GTF2I: variants seen among roughly 807,000 people sequenced by gnomAD.
GTF2I encodes general transcription factor IIi, also known as general transcription factor II-I.
In GTF2I, 12 loss-of-function variants were observed where a neutral mutation model predicts 67.6. That is an observed-to-expected ratio of 0.18 (90% CI 0.11 to 0.29). GTF2I has a LOEUF of 0.29. GTF2I is among the 10% of genes least tolerant of loss of function. The probability of loss-of-function intolerance (pLI) is 1.00; values close to 1 mark genes in which losing one functional copy is unlikely to be tolerated. For synonymous variants in GTF2I, 149 were observed against 197.0 expected, an observed-to-expected ratio of 0.76 and a Z score of 2.04; for missense variants, 271 against 580.1, an observed-to-expected ratio of 0.47 and a Z score of 5.47.
At chr7:74,678,669 T>C (rs368687020) in intron 1 of GTF2I, among the ~76,000 whole-genome samples, 1 of 152,216 alleles carries the variant, frequency 6.6e-6, no homozygotes, top group African/African-American at 2.4e-5. Flanking sequence ...AATTCAGGGC[T>C]GTCTTTCATT....
chr7:74,669,943 GTTAT>G (rs1352217083), intron 1 of GTF2I, among the ~76,000 whole-genome samples: 1 of 152,068 alleles, frequency 6.6e-6, no homozygotes, highest in Non-Finnish European at 1.5e-5. Flanking sequence ...TTTCAAAGCA[GTTAT>G]TTATTTTGAC....
intron 26 of GTF2I, among the ~76,000 whole-genome samples, chr7:74,749,934 C>G (rs1409018520): frequency 2.1e-5 from 3 of 146,294 alleles, no homozygotes; most frequent in Non-Finnish European, 4.5e-5. Context: ...TTTCCTTATG[C>G]TGCTGGTAGA....
intron 15 of GTF2I, 128 bp downstream of exon 15, chr7:74,732,790 A>G: frequency 8.7e-7 from 1 of 1,146,986 alleles, no homozygotes; most frequent in Non-Finnish European, 1.2e-6. Flanking sequence ...ATGTATTTTT[A>G]TCTTGCACTT....
chr7:74,707,516 C>T (rs900040467), intron 8 of GTF2I, among the ~76,000 whole-genome samples: 14 of 152,140 alleles, frequency 9.2e-5, no homozygotes, highest in African/African-American at 3.1e-4. Context: ...CGTGTGTGTG[C>T]GTGCATGTGA....
intron 9 of GTF2I, 24 bp downstream of exon 9, chr7:74,711,133 T>G: frequency 9.5e-7 from 1 of 1,055,256 alleles, no homozygotes; most frequent in South Asian, 1.5e-5. Context: ...ATGCAATTTT[T>G]CTTTCTAAAA....
In GTF2I at chr7:74,714,904, A is replaced by G. The variant is rs374288797; in HGVS notation, c.811A>G (p.Lys271Glu). 3.1e-6 allele frequency: 5 copies of G among 1,602,042 alleles called. No homozygotes were observed. Among genetic ancestry groups the G allele is most frequent in the Admixed American group, 3.4e-5 (2 of 59,250 alleles). Reference sequence around the variant, plus strand: ...TGTTGATGAAAAACAGCCCCTATCGAAGCCTTTGCAAGGTATAATCTTTTC... The same window carrying G: ...TGTTGATGAAAAACAGCCCCTATCGGAGCCTTTGCAAGGTATAATCTTTTC... ...DDVDEKQPLS[K>E]PLQGSHHSSE... Residue 271 changes from lysine (K) to glutamate (E), a missense_variant, in exon 10 of 35, where the codon AAG becomes GAG. Transcript: ENST00000573035.
chr7:74,701,944 G>A (rs1562961080), intron 6 of GTF2I, among the ~76,000 whole-genome samples: 1 of 152,134 alleles, frequency 6.6e-6, no homozygotes, highest in East Asian at 1.9e-4. Flanking sequence ...ATTGAAATGA[G>A]CTTTTTTCAC....
In GTF2I at chr7:74,705,204, A is replaced by C; in HGVS notation, c.627A>C (p.Leu209=). The C allele has an allele frequency of 1.2e-6, 2 of 1,600,900 alleles. No homozygotes were observed. The highest frequency in any genetic ancestry group is 1.1e-5 in the South Asian group (1 of 90,794). Residue 209 remains leucine (L), a synonymous_variant, in exon 7 of 35, where the codon CTA becomes CTC. Coordinates refer to ENST00000573035, the MANE Select transcript of GTF2I (RefSeq NM_032999.4). ...VMVTDADRSI[L]SPGGSCGPIK... is the part of the protein sequence containing the mutation. ...TAACAGATGCTGACAGGTCAATACT[A>C]TCTCCAGGTGGAAGGTAAAACCTAA...
intron 12 of GTF2I, chr7:74,727,085 T>C (rs1014266678): frequency 6.6e-6 from 1 of 152,214 alleles, no homozygotes; most frequent in Admixed American, 6.5e-5. Flanking sequence ...TTTTCTGAAA[T>C]AGTATCCTTT....
chr7:74,685,814 C>G (rs892345064), intron 1 of GTF2I, among the ~76,000 whole-genome samples: 7 of 151,430 alleles, frequency 4.6e-5, no homozygotes, highest in Non-Finnish European at 8.8e-5. Context: ...CGCCGGTAAT[C>G]CGGCCGAGGC....
intron 1 of GTF2I, among the ~76,000 whole-genome samples, chr7:74,665,559 TA>T (rs1554388226): frequency 6.6e-6 from 1 of 152,126 alleles, no homozygotes; most frequent in East Asian, 1.9e-4. Context: ...CCCCTATTTT[TA>T]AAAATGGAGT....
intron 2 of GTF2I, among the ~76,000 whole-genome samples, chr7:74,690,758 A>G (rs1162404211): frequency 7.2e-5 from 11 of 151,800 alleles, no homozygotes; most frequent in African/African-American, 1.9e-4. Flanking sequence ...CTCTCAGTCT[A>G]CTACTTGGAG....
In GTF2I at chr7:74,700,554, C is replaced by T. The variant is rs141499295; in HGVS notation, c.558-52C>T. 108 of 1,605,462 alleles carry T rather than the reference C, an allele frequency of 6.7e-5. No individual in the cohort carries two copies. In the African/African-American group the frequency reaches 1.3e-3, roughly 19 times the overall value. ...AGAAGTCATTTAAATGTATGCTTTA[C>T]AATAATTTTGCGTATTCATACGAAG... On this transcript the variant is annotated intron_variant, in intron 5 of 34. Transcript: ENST00000573035.
intron 7 of GTF2I, among the ~76,000 whole-genome samples, chr7:74,705,516 T>C (rs1414904863): frequency 2.6e-5 from 4 of 151,920 alleles, no homozygotes; most frequent in Non-Finnish European, 4.4e-5. Context: ...CCCCAAAAGA[T>C]AGATAGAAAT....
chr7:74,692,027 T>C (rs1788358213), intron 3 of GTF2I, among the ~76,000 whole-genome samples: 1 of 151,874 alleles, frequency 6.6e-6, no homozygotes, highest in African/African-American at 2.4e-5. Flanking sequence ...TCTGCTTGCC[T>C]TGGCCTCCCA....
chr7:74,699,002 A>G lies in GTF2I; in HGVS notation c.280A>G (p.Lys94Glu). ...EEKAAEMHKM[K>E]STTQANRMSV... ...AAAAGCTGCAGAGATGCATAAAATG[A>G]AATCTACAACCCAGGCAAATCGGAT... Residue 94 changes from lysine to glutamate, a missense_variant, in exon 4 of 35, where the codon AAA becomes GAA. Physicochemically the swap from Lys to Glu is moderately conservative, Grantham distance 56 (BLOSUM62 1). This residue lies in a region of GTF2I where 72 missense variants were observed against 87.4 expected (regional missense o/e 0.82). Coordinates refer to ENST00000573035, the MANE Select transcript of GTF2I (RefSeq NM_032999.4). 7 of 1,510,136 alleles carry G rather than the reference A, an allele frequency of 4.6e-6. No individual in the cohort carries two copies. Among genetic ancestry groups the G allele is most frequent in the African/African-American group, 1.4e-5 (1 of 71,780 alleles). The allele number at this position is 1,510,136 out of a possible 1,614,324, so 93.5% of individuals were successfully genotyped here. A position where few individuals can be genotyped will look rare whatever the true frequency, so the allele number is the denominator to read the frequency against.
At chr7:74,658,453 C>G (rs1296122335) in intron 1 of GTF2I, among the ~76,000 whole-genome samples, 2 of 146,088 alleles carry the variant, frequency 1.4e-5, no homozygotes, top group Non-Finnish European at 3.0e-5. Context: ...CGCGAGCGAG[C>G]GAGCGGCCCT....
At chr7:74,717,403 T>G (rs782146537) in intron 11 of GTF2I, among the ~76,000 whole-genome samples, 1 of 152,220 alleles carries the variant, frequency 6.6e-6, no homozygotes, top group Non-Finnish European at 1.5e-5. Context: ...CTTTATTTTG[T>G]ACTCACAACT....
At chr7:74,717,697 G>C (rs1375133943) in intron 11 of GTF2I, among the ~76,000 whole-genome samples, 7 of 152,194 alleles carry the variant, frequency 4.6e-5, no homozygotes, top group African/African-American at 1.4e-4. Flanking sequence ...AGTCTGTTGT[G>C]TAACTGCTTA....
Sources: allele counts gnomAD v4.1 joint callset (sites outside exome capture counted in the v4.1 genomes callset), GRCh38; gene constraint gnomAD v4.1.1; regional missense constraint gnomAD v4.1.1; transcripts MANE v1.5; gene names NCBI Gene and HGNC (gene_info 2026-07-23, HGNC 2026-07-21).